MRPL43: variants seen among roughly 807,000 people sequenced by gnomAD.
MRPL43 encodes the protein large ribosomal subunit protein mL43.
In MRPL43, 9 loss-of-function variants were observed where a neutral mutation model predicts 12.7. The observed-to-expected ratio is 0.71, with a 90% CI of 0.43 to 1.24. MRPL43 has a LOEUF of 1.24. Among genes scored for constraint, MRPL43 ranks in the 50% most tolerant of loss-of-function variants. The pLI, the probability that MRPL43 is intolerant of heterozygous loss-of-function variation, is 0.00. For missense variants in MRPL43, 211 were observed against 229.2 expected (o/e 0.92, Z 0.51); for synonymous variants, 116 against 96.4 (o/e 1.20, Z -1.19).
At chr10:100,978,433 T>C (rs1277809250), downstream of MRPL43, 1 of 1,603,872 alleles carries the variant, frequency 6.2e-7, no homozygotes, top group South Asian at 1.1e-5. Flanking sequence ...ATTTTTAGGA[T>C]GTGGATCTCA....
downstream of MRPL43, chr10:100,979,069 C>G (rs1272566232): frequency 1.9e-6 from 3 of 1,613,020 alleles, no homozygotes; most frequent in Non-Finnish European, 8.5e-7. Flanking sequence ...ACCTCTGACC[C>G]TGGCCCCTTA....
downstream of MRPL43, chr10:100,983,407 A>G (rs1451010139): frequency 1.4e-5 from 22 of 1,612,544 alleles, no homozygotes; most frequent in South Asian, 2.2e-5. Flanking sequence ...TGGCTACTCA[A>G]TGGGAGCATG....
At chr10:100,979,475 C>T (rs141592520), downstream of MRPL43, 1,759 of 1,366,228 alleles carry the variant, frequency 1.3e-3, 24 homozygotes, top group African/African-American at 0.022. Context: ...CTCCGCCTCC[C>T]GGGTTCAAGT....
downstream of MRPL43, chr10:100,979,084 G>C (rs534844916): frequency 1.2e-6 from 2 of 1,613,582 alleles, no homozygotes; most frequent in Non-Finnish European, 1.7e-6. Flanking sequence ...CCCTTATCCC[G>C]TGCCTCTACC....
downstream of MRPL43, among the ~76,000 whole-genome samples, chr10:100,982,723 T>C (rs982500303): frequency 6.6e-6 from 1 of 151,608 alleles, no homozygotes; most frequent in African/African-American, 2.4e-5. Context: ...ACCAGGGAGG[T>C]GGAGGTTGCA....
chr10:100,980,046 C>G, downstream of MRPL43: 1 of 1,613,668 alleles, frequency 6.2e-7, no homozygotes, highest in Non-Finnish European at 8.5e-7. Flanking sequence ...AGGGAAGGGT[C>G]AAAGGGTCTG....
At chr10:100,978,812 C>G, downstream of MRPL43, 1 of 1,604,368 alleles carries the variant, frequency 6.2e-7, no homozygotes, top group East Asian at 2.2e-5. Flanking sequence ...GAATCCCCAG[C>G]CTGTCTCAAA....
chr10:100,983,900 C>A, downstream of MRPL43: 2 of 1,049,314 alleles, frequency 1.9e-6, no homozygotes, highest in Non-Finnish European at 2.7e-6. Flanking sequence ...GGGAGGGAGC[C>A]CCAGCCCCAC....
At position 100,987,461 on chromosome 10, in the gene MRPL43, C is replaced by G; in HGVS notation, c.-18G>C. 6.2e-7 allele frequency: 1 copy of G among 1,610,740 alleles called. No homozygotes were observed. Reference sequence around the variant, plus strand: ...GCCGTCATAGCTACAGCTTGGAGGCCGCGGAGCCTAAGCAGCGAGGAGAGG... The same window carrying G: ...GCCGTCATAGCTACAGCTTGGAGGCGGCGGAGCCTAAGCAGCGAGGAGAGG... On this transcript the variant is annotated 5_prime_UTR_variant, in exon 1 of 3. Coordinates refer to ENST00000318364, the MANE Select transcript of MRPL43 (RefSeq NM_032112.3).
downstream of MRPL43, chr10:100,980,458 T>C: frequency 7.4e-7 from 1 of 1,350,198 alleles, no homozygotes; most frequent in African/African-American, 1.4e-5. Context: ...GGTCCACTGC[T>C]CCTGGCTGAG....
chr10:100,980,242 CG>C, downstream of MRPL43: 1 of 1,614,236 alleles, frequency 6.2e-7, no homozygotes, highest in East Asian at 2.2e-5. Context: ...CACACGTGGA[CG>C]GCCCCTGCTG....
At chr10:100,981,106 C>T (rs1181909198), downstream of MRPL43, 4 of 1,609,124 alleles carry the variant, frequency 2.5e-6, no homozygotes, top group South Asian at 2.2e-5. Context: ...ACCTATCTAC[C>T]CTTTCACTGG....
chr10:100,986,629 C>T lies in MRPL43; in HGVS notation c.*105G>A, dbSNP rs148202787. 1.7e-4 allele frequency: 269 copies of T among 1,613,608 alleles called. 2 individuals carry two copies. The East Asian group carries it at 5.6e-3, about 33-fold the overall frequency. On this transcript the variant is annotated 3_prime_UTR_variant, in exon 3 of 3. Coordinates refer to ENST00000318364, the MANE Select transcript of MRPL43 (RefSeq NM_032112.3). Reference sequence around the variant, plus strand: ...CAAGCAGAACCTCTGTCAACTTGCCCATTGATGGGTTCCATTTGCCTGGGC... The same window carrying T: ...CAAGCAGAACCTCTGTCAACTTGCCTATTGATGGGTTCCATTTGCCTGGGC...
At chr10:100,978,175 TC>T (rs1850883919), downstream of MRPL43, 1 of 655,776 alleles carries the variant, frequency 1.5e-6, no homozygotes. Flanking sequence ...GTCAGGTGCA[TC>T]TGCCATACAA....
intron 1 of MRPL43, 36 bp from the exon 2 acceptor site, chr10:100,987,232 G>A (rs765498201): frequency 1.2e-6 from 2 of 1,613,098 alleles, no homozygotes; most frequent in South Asian, 2.2e-5. Context: ...TATGACCCCT[G>A]ACTGGGGGCG....
At chr10:100,982,181 G>T (rs1589995425), downstream of MRPL43, among the ~76,000 whole-genome samples, 1 of 151,910 alleles carries the variant, frequency 6.6e-6, no homozygotes, top group Non-Finnish European at 1.5e-5. Flanking sequence ...GGCAAGCAGA[G>T]GACATGGGGT....
downstream of MRPL43, chr10:100,983,794 T>G (rs1305609497): frequency 6.2e-7 from 1 of 1,606,678 alleles, no homozygotes; most frequent in South Asian, 1.1e-5. Flanking sequence ...GCGGTGCAAC[T>G]GCAGACAGTC....
At chr10:100,978,666 T>TG (rs752321009), downstream of MRPL43, 410 of 1,600,338 alleles carry the variant, frequency 2.6e-4, 1 homozygote, top group Non-Finnish European at 3.4e-4. Context: ...CACAGGATGA[T>TG]GGGGGGTAGG....
downstream of MRPL43, chr10:100,984,385 C>T (rs1478564784): frequency 2.1e-6 from 3 of 1,451,486 alleles, no homozygotes; most frequent in Admixed American, 5.1e-5. Flanking sequence ...ATCAGGTGCC[C>T]TGCAGACCCA....
Sources: allele counts gnomAD v4.1 joint callset (sites outside exome capture counted in the v4.1 genomes callset), GRCh38; gene constraint gnomAD v4.1.1; transcripts MANE v1.5; gene names NCBI Gene and HGNC (gene_info 2026-07-23, HGNC 2026-07-21).